CBFA2T2: variants seen among roughly 807,000 people sequenced by gnomAD.
CBFA2T2 encodes the protein CBFA2/RUNX1 partner transcriptional co-repressor 2.
In CBFA2T2, 11 loss-of-function variants were observed where a neutral mutation model predicts 62.2. That is an observed-to-expected ratio of 0.18 (90% CI 0.11 to 0.29). CBFA2T2 has a LOEUF of 0.29. Among genes scored for constraint, CBFA2T2 ranks in the 10% least tolerant of loss-of-function variants. The pLI, the probability that CBFA2T2 is intolerant of heterozygous loss-of-function variation, is 1.00. For synonymous variants in CBFA2T2, 295 were observed against 287.5 expected, an observed-to-expected ratio of 1.03 and a Z score of -0.27; for missense variants, 592 against 774.1, an observed-to-expected ratio of 0.76 and a Z score of 2.79.
intron 1 of CBFA2T2, among the ~76,000 whole-genome samples, chr20:33,506,206 G>A (rs1295358052): frequency 1.3e-5 from 2 of 152,074 alleles, no homozygotes; most frequent in African/African-American, 4.8e-5. Context: ...CCAGGAGTTT[G>A]AGACCACACT....
At chr20:33,545,757 T>C (rs748418168) in intron 1 of CBFA2T2, among the ~76,000 whole-genome samples, 10 of 152,240 alleles carry the variant, frequency 6.6e-5, no homozygotes, top group African/African-American at 2.2e-4. Flanking sequence ...CTTTTTCTTA[T>C]CTTTTTGCAG....
intron 10 of CBFA2T2, among the ~76,000 whole-genome samples, chr20:33,642,973 C>T (rs533356496): frequency 2.6e-5 from 4 of 152,206 alleles, no homozygotes; most frequent in Admixed American, 6.5e-5. Flanking sequence ...CCTGCAAAAT[C>T]ACTTTCAAAA....
intron 1 of CBFA2T2, among the ~76,000 whole-genome samples, chr20:33,579,229 T>C (rs149627364): frequency 1.2e-3 from 180 of 152,020 alleles, no homozygotes; most frequent in African/African-American, 4.1e-3. Flanking sequence ...TTTAAATTTT[T>C]ATTCAATTTT....
At chr20:33,528,653 A>C (rs1230385774) in intron 1 of CBFA2T2, among the ~76,000 whole-genome samples, 1 of 151,892 alleles carries the variant, frequency 6.6e-6, no homozygotes, top group Admixed American at 6.6e-5. Flanking sequence ...CCAGTTATAT[A>C]TACATGTAAC....
intron 1 of CBFA2T2, among the ~76,000 whole-genome samples, chr20:33,570,580 A>T (rs1453253743): frequency 6.6e-6 from 1 of 152,190 alleles, no homozygotes; most frequent in East Asian, 1.9e-4. Flanking sequence ...TGGAGCTAGT[A>T]CATGTTGGGA....
chr20:33,601,649 A>G (rs1460156842), intron 1 of CBFA2T2, among the ~76,000 whole-genome samples: 1 of 152,204 alleles, frequency 6.6e-6, no homozygotes, highest in Non-Finnish European at 1.5e-5. Flanking sequence ...CTGTCATTAT[A>G]GGAAAGATCT....
chr20:33,558,957 A>C (rs1208397659), intron 1 of CBFA2T2, among the ~76,000 whole-genome samples: 9 of 143,742 alleles, frequency 6.3e-5, no homozygotes, highest in Admixed American at 6.2e-4. Context: ...ATTGAACCCA[A>C]CACTTTTCTC....
In CBFA2T2 at chr20:33,535,623, C is replaced by A. The variant is rs199696833; in HGVS notation, c.34+45322C>A. On this transcript the variant is annotated intron_variant, in intron 1 of 10. Coordinates refer to ENST00000342704, the MANE Select transcript of CBFA2T2 (RefSeq NM_001032999.3). ...TTTTATTTTTATTTTTTTATTTTTT[C>A]TTTTTTTTTTTGACCTTTTAAATAT... 7.9e-3 allele frequency among the ~76,000 whole-genome samples: 926 copies of A among 117,484 alleles called. 6 individuals are homozygous for A. Among genetic ancestry groups the A allele is most frequent in the African/African-American group, 0.035 (876 of 24,932 alleles). The allele number at this position is 117,484 out of a possible 152,430, so 77.1% of individuals were successfully genotyped here.
intron 3 of CBFA2T2, among the ~76,000 whole-genome samples, chr20:33,614,232 TC>T (rs935862271): frequency 3.3e-5 from 5 of 152,224 alleles, no homozygotes; most frequent in Admixed American, 3.3e-4. Context: ...ACCTTTTTTT[TC>T]CATAGTAAAA....
chr20:33,543,158 C>T (rs535470470), intron 1 of CBFA2T2, among the ~76,000 whole-genome samples: 5 of 152,124 alleles, frequency 3.3e-5, no homozygotes, highest in Non-Finnish European at 5.9e-5. Context: ...GGATTACAGG[C>T]GCATGCCACC....
At chr20:33,598,929 C>G (rs988689244) in intron 1 of CBFA2T2, among the ~76,000 whole-genome samples, 1 of 152,174 alleles carries the variant, frequency 6.6e-6, no homozygotes, top group African/African-American at 2.4e-5. Flanking sequence ...GCTGGTTTTC[C>G]AGCTTTTTAA....
At chr20:33,639,901 AAAG>A (rs1297464715) in intron 9 of CBFA2T2, among the ~76,000 whole-genome samples, 2 of 152,172 alleles carry the variant, frequency 1.3e-5, no homozygotes, top group South Asian at 2.1e-4. Flanking sequence ...AAAAAAAGAA[AAAG>A]AAGGTCAAAT....
At position 33,644,519 on chromosome 20, in the gene CBFA2T2, G is replaced by A; in HGVS notation, c.1661G>A (p.Gly554Asp). 1.2e-6 allele frequency: 2 copies of A among 1,614,062 alleles called. No individual in the cohort carries two copies. The highest frequency in any genetic ancestry group is 8.5e-7 in the Non-Finnish European group (1 of 1,180,016). ...CAGGGCCGGCCGCTGCTTCCTGTAG[G>A]CAGGGGCTCCTCTGCCAGGTCCGCC... ...HGQGRPLLPV[G>D]RGSSARSADC... Residue 554 changes from glycine to aspartate, a missense_variant, in exon 11 of 11, where the codon GGC becomes GAC. By Grantham distance (94) the Gly-to-Asp change is moderately conservative. Transcript: ENST00000342704.
At chr20:33,599,768 A>G (rs1275690635) in intron 1 of CBFA2T2, among the ~76,000 whole-genome samples, 1 of 151,814 alleles carries the variant, frequency 6.6e-6, no homozygotes, top group African/African-American at 2.4e-5. Flanking sequence ...AATTTTTTGT[A>G]TTTTTAGTAG....
chr20:33,497,157 C>T (rs995355026), intron 1 of CBFA2T2, among the ~76,000 whole-genome samples: 4 of 151,310 alleles, frequency 2.6e-5, no homozygotes, highest in South Asian at 2.1e-4. Context: ...CCTGTAGTTC[C>T]AGCTACTCAG....
At chr20:33,501,630 CTTTTTTTTTTTTTT>C (rs869281966) in intron 1 of CBFA2T2, among the ~76,000 whole-genome samples, 3 of 63,256 alleles carry the variant, frequency 4.7e-5, no homozygotes, top group African/African-American at 1.4e-4. Context: ...CTTAGCCTTC[CTTTTTTTTTTTTTT>C]TTTTTTTTTT....
At chr20:33,591,467 CAAAAAAAAA>C (rs11475752) in intron 1 of CBFA2T2, among the ~76,000 whole-genome samples, 7 of 98,080 alleles carry the variant, frequency 7.1e-5, no homozygotes, top group Non-Finnish European at 1.1e-4. Flanking sequence ...GAGTAAATCT[CAAAAAAAAA>C]AAAAAAAAAG....
Position 33,544,977 on chromosome 20 carries a change from GAATA to G in CBFA2T2, c.34+54677_34+54680del, listed in dbSNP as rs2012503531. 5.4e-5 allele frequency among the ~76,000 whole-genome samples: 8 copies of G among 147,714 alleles called. No homozygotes were observed. In the Admixed American group the frequency reaches 5.4e-4, roughly 10 times the overall value. Reference sequence around the variant, plus strand: ...GAATAGAATAGAATAGAATAGAATAGAATAGAATAGAATAGAATAGAATAGAATA... The same window carrying G: ...GAATAGAATAGAATAGAATAGAATAGGAATAGAATAGAATAGAATAGAATA... On this transcript the variant is annotated intron_variant, in intron 1 of 10. Coordinates refer to ENST00000342704, the MANE Select transcript of CBFA2T2 (RefSeq NM_001032999.3).
intron 7 of CBFA2T2, among the ~76,000 whole-genome samples, chr20:33,629,386 A>C (rs1046144416): frequency 2.6e-5 from 4 of 152,276 alleles, no homozygotes; most frequent in Non-Finnish European, 4.4e-5. Flanking sequence ...CAGCCACAGC[A>C]AATTTACAGT....
Sources: allele counts gnomAD v4.1 joint callset (sites outside exome capture counted in the v4.1 genomes callset), GRCh38; gene constraint gnomAD v4.1.1; transcripts MANE v1.5; gene names NCBI Gene and HGNC (gene_info 2026-07-23, HGNC 2026-07-21).